The following STARD4 variants were observed in gnomAD, a reference collection of about 807,000 sequenced individuals.
The protein encoded by STARD4 is stAR-related lipid transfer protein 4.
Under a neutral mutation model 24.9 loss-of-function variants are expected in STARD4, and 33 were observed. That is an observed-to-expected ratio of 1.32 (90% CI 1.00 to 1.77). STARD4 has a LOEUF of 1.77. STARD4 is among the 40% of genes most tolerant of loss of function. The probability of loss-of-function intolerance (pLI) is 0.00; values close to 1 mark genes in which losing one functional copy is unlikely to be tolerated. For missense variants in STARD4, 238 were observed against 249.3 expected (o/e 0.95, Z 0.31); for synonymous variants, 88 against 77.4 (o/e 1.14, Z -0.72).
rs556982216 is a variant in STARD4 at position 111,499,553 on chromosome 5, G to C, written c.*333C>G. On this transcript the variant is annotated 3_prime_UTR_variant, in exon 6 of 6. Transcript: ENST00000296632. The stretch of plus-strand genomic sequence containing the variant: ...ACAAAAATTAGCCATGCATAGTGGC[G>C]TGCACCTGTATTCCCAGCTATTCAG... The C allele has an allele frequency of 9.3e-5, 21 of 226,724 alleles. No individual in the cohort carries two copies. In the East Asian group the frequency reaches 2.1e-3, roughly 23 times the overall value. 14.0% of individuals were successfully genotyped at this position (226,724 alleles called of 1,614,324 possible).
In STARD4 at chr5:111,501,244, C is replaced by A. The variant is rs1756429587; in HGVS notation, c.283-128G>T. ...TGTTTCATAATTATAATAATTCTTA[C>A]ACTGATTCTGACAGGTCTAGATCTC... On this transcript the variant is annotated intron_variant, in intron 4 of 5. Transcript: ENST00000296632. 3.8e-6 allele frequency: 4 copies of A among 1,040,612 alleles called. No individual in the cohort carries two copies. In the South Asian group the frequency reaches 6.5e-5, roughly 17 times the overall value. 64.5% of individuals were successfully genotyped at this position (1,040,612 alleles called of 1,614,324 possible).
chr5:111,506,708 A>T (rs573024927), intron 2 of STARD4, among the ~76,000 whole-genome samples: 1 of 152,356 alleles, frequency 6.6e-6, no homozygotes. Context: ...TCAGACTCTA[A>T]CACTAGGAAC....
Position 111,499,604 on chromosome 5 carries a change from A to G in STARD4, c.*282T>C. On this transcript the variant is annotated 3_prime_UTR_variant, in exon 6 of 6. Transcript: ENST00000296632. ...GAGGCTGAGGTAGAATAACCCCTTGAGCGGTCAGATCAAAGCTGCAGTGAG... is the reference window on the plus strand; with the variant it reads ...GAGGCTGAGGTAGAATAACCCCTTGGGCGGTCAGATCAAAGCTGCAGTGAG... 1 of 363,368 alleles carries G rather than the reference A, an allele frequency of 2.8e-6. No individual in the cohort carries two copies. The highest frequency in any genetic ancestry group is 5.0e-6 in the Non-Finnish European group (1 of 198,786). 22.5% of individuals were successfully genotyped at this position (363,368 alleles called of 1,614,324 possible). A position where few individuals can be genotyped will look rare whatever the true frequency, so the allele number is the denominator to read the frequency against.
intron 3 of STARD4, among the ~76,000 whole-genome samples, chr5:111,503,640 A>C (rs1444648910): frequency 2.6e-5 from 4 of 152,264 alleles, no homozygotes; most frequent in Non-Finnish European, 2.9e-5. Context: ...ACAAACAAAC[A>C]AAAAAACACA....
chr5:111,498,228 G>C lies in STARD4; in HGVS notation c.*1658C>G, dbSNP rs1479421002. 6.6e-6 allele frequency: 1 copy of C among 151,732 alleles called. No homozygotes were observed. The highest frequency in any genetic ancestry group is 6.6e-5 in the Admixed American group (1 of 15,222). The allele number at this position is 151,732 out of a possible 1,614,324, so 9.4% of individuals were successfully genotyped here. The stretch of plus-strand genomic sequence containing the variant: ...TCTCACAGTGAAAATGTTTCCATGA[G>C]GGTAATTTTACCTAGAGTGGGTCCA... On this transcript the variant is annotated 3_prime_UTR_variant, in exon 6 of 6. Coordinates refer to ENST00000296632, the MANE Select transcript of STARD4 (RefSeq NM_139164.3).
rs1479961926 is a variant in STARD4 at position 111,507,844 on chromosome 5, T to C, written c.-9-402A>G. ...AGAAGCCTACTTAAAGCTTCAAGCC[T>C]AAAGGGAATCTCTTGCCTCCCCTGG... On this transcript the variant is annotated intron_variant, in intron 1 of 5. Coordinates refer to ENST00000296632, the MANE Select transcript of STARD4 (RefSeq NM_139164.3). The surrounding 1 kb of genome is among the most constrained non-coding windows in gnomAD (Gnocchi z 4.4). Among the ~76,000 whole-genome samples, 1 of 152,150 alleles carries C rather than the reference T, an allele frequency of 6.6e-6. No individual in the cohort carries two copies.
chr5:111,512,446 C>G lies in STARD4; in HGVS notation c.-71G>C, dbSNP rs1757391976. The G allele has an allele frequency of 6.6e-6, 1 of 152,414 alleles. No individual in the cohort carries two copies. The allele number at this position is 152,414 out of a possible 1,614,324, so 9.4% of individuals were successfully genotyped here. A position where few individuals can be genotyped will look rare whatever the true frequency, so the allele number is the denominator to read the frequency against. On this transcript the variant is annotated 5_prime_UTR_variant, in exon 1 of 6. Coordinates refer to ENST00000296632, the MANE Select transcript of STARD4 (RefSeq NM_139164.3). Reference sequence around the variant, plus strand: ...ACGGCGCGCTACCAAGCACCTCACACCGCTCTCAACAGTACTGCTCAGCCT... The same window carrying G: ...ACGGCGCGCTACCAAGCACCTCACAGCGCTCTCAACAGTACTGCTCAGCCT...
At chr5:111,502,724 C>T (rs1172954945) in intron 3 of STARD4, among the ~76,000 whole-genome samples, 3 of 150,602 alleles carry the variant, frequency 2.0e-5, no homozygotes, top group East Asian at 2.0e-4. Flanking sequence ...ACCTGGGAGG[C>T]GGAGGTTGAG....
At position 111,502,894 on chromosome 5, in the gene STARD4, C is replaced by A. The variant is rs1024069564; in HGVS notation, c.156-806G>T. On this transcript the variant is annotated intron_variant, in intron 3 of 5. Transcript: ENST00000296632. ...ACATTCTACCGGTTACTGTTATCAGCATGTACCCTTCGTCCTCAAATCTAA... is the reference window on the plus strand; with the variant it reads ...ACATTCTACCGGTTACTGTTATCAGAATGTACCCTTCGTCCTCAAATCTAA... Among the ~76,000 whole-genome samples, 9 of 151,858 alleles carry A rather than the reference C, an allele frequency of 5.9e-5. No individual in the cohort carries two copies. In the East Asian group the frequency reaches 1.2e-3, roughly 20 times the overall value.
In STARD4 at chr5:111,507,462, T is replaced by C; in HGVS notation, c.-9-20A>G. The C allele has an allele frequency of 1.9e-6, 3 of 1,593,750 alleles. No individual in the cohort carries two copies. Among genetic ancestry groups the C allele is most frequent in the Non-Finnish European group, 2.6e-6 (3 of 1,166,354 alleles). On this transcript the variant is annotated intron_variant, in intron 1 of 5. Coordinates refer to ENST00000296632, the MANE Select transcript of STARD4 (RefSeq NM_139164.3). The surrounding 1 kb of genome is among the most constrained non-coding windows in gnomAD (Gnocchi z 4.4). ...TTCTCTCTGTTATGGAGACCAAGAT[T>C]AGCATCAGCAAATACCACAGTTTGA...
At chr5:111,503,426 T>C (rs1158614175) in intron 3 of STARD4, among the ~76,000 whole-genome samples, 4 of 152,112 alleles carry the variant, frequency 2.6e-5, no homozygotes, top group Non-Finnish European at 5.9e-5. Context: ...GTCAGGAGAT[T>C]GAGACCATCC....
intron 3 of STARD4, among the ~76,000 whole-genome samples, chr5:111,505,761 G>C (rs116820728): frequency 6.6e-6 from 1 of 151,900 alleles, no homozygotes; most frequent in East Asian, 1.9e-4. Context: ...ATATTAGAAG[G>C]GTCATGTATA....
At chr5:111,503,315 A>T (rs1756601562) in intron 3 of STARD4, among the ~76,000 whole-genome samples, 3 of 152,178 alleles carry the variant, frequency 2.0e-5, no homozygotes, top group Admixed American at 6.5e-5. Context: ...TTAATTCCAG[A>T]TAAATTAAAT....
intron 1 of STARD4, among the ~76,000 whole-genome samples, chr5:111,509,457 G>C (rs560371471): frequency 6.6e-6 from 1 of 152,218 alleles, no homozygotes; most frequent in East Asian, 1.9e-4. Context: ...ATACTGATCA[G>C]TATAAAGTTC....
chr5:111,506,888 A>G (rs1230002579), intron 2 of STARD4, among the ~76,000 whole-genome samples: 1 of 152,222 alleles, frequency 6.6e-6, no homozygotes, highest in East Asian at 1.9e-4. Flanking sequence ...GGGTTCTAGA[A>G]TTAGTTCTAG....
rs1400017857 is a variant in STARD4 at position 111,507,224 on chromosome 5, C to T, written c.105+105G>A. On this transcript the variant is annotated intron_variant, in intron 2 of 5. Coordinates refer to ENST00000296632, the MANE Select transcript of STARD4 (RefSeq NM_139164.3). The surrounding 1 kb of genome is among the most constrained non-coding windows in gnomAD (Gnocchi z 4.4). Reference sequence around the variant, plus strand: ...CAATTATTTTTCTTGCATATCCATCCAAAGTATGGTCTTTGTCCATATTGT... The same window carrying T: ...CAATTATTTTTCTTGCATATCCATCTAAAGTATGGTCTTTGTCCATATTGT... 2.2e-6 allele frequency: 2 copies of T among 904,982 alleles called. No individual in the cohort carries two copies. Among genetic ancestry groups the T allele is most frequent in the Non-Finnish European group, 3.3e-6 (2 of 598,154 alleles). The allele number at this position is 904,982 out of a possible 1,614,324, so 56.1% of individuals were successfully genotyped here. A position where few individuals can be genotyped will look rare whatever the true frequency, so the allele number is the denominator to read the frequency against.
At position 111,508,144 on chromosome 5, in the gene STARD4, C is replaced by T. The variant is rs373371029; in HGVS notation, c.-9-702G>A. Among the ~76,000 whole-genome samples, 123 of 152,078 alleles carry T rather than the reference C, an allele frequency of 8.1e-4. 2 individuals are homozygous for T. In the South Asian group the frequency reaches 0.023, roughly 28 times the overall value. ...ATGTAATGCCAATTTCAGTTTAAAC[C>T]TCCTATCCTTCATAAAGCCTTCTTA... On this transcript the variant is annotated intron_variant, in intron 1 of 5. Coordinates refer to ENST00000296632, the MANE Select transcript of STARD4 (RefSeq NM_139164.3).
At chr5:111,504,421 A>T (rs1204436680) in intron 3 of STARD4, among the ~76,000 whole-genome samples, 1 of 152,244 alleles carries the variant, frequency 6.6e-6, no homozygotes, top group Non-Finnish European at 1.5e-5. Flanking sequence ...ATATGTACAT[A>T]CAAAGACATA....
intron 4 of STARD4, among the ~76,000 whole-genome samples, chr5:111,501,564 G>A (rs949477397): frequency 1.3e-5 from 2 of 152,138 alleles, no homozygotes; most frequent in East Asian, 1.9e-4. Context: ...ATCTAAGGTG[G>A]CATTTTTATC....
Sources: gnomAD v4.1 joint callset for allele counts (sites outside exome capture counted in the v4.1 genomes callset) on GRCh38, gnomAD v4.1.1 for gene constraint, Gnocchi (gnomAD v3.1) non-coding constraint, MANE v1.5 for transcripts, NCBI Gene and HGNC (gene_info 2026-07-23, HGNC 2026-07-21) for gene names.